Variants in DNA2 observed in about 807,000 individuals in gnomAD.
DNA2 encodes DNA replication helicase/nuclease 2.
DNA2 carries 101 observed loss-of-function variants against 119.1 expected under a neutral mutation model. The ratio of observed to expected loss-of-function variants is 0.85; its 90% CI spans 0.72 to 1.00. The LOEUF is 1.00. Among genes scored for constraint, DNA2 ranks in the 50% least tolerant of loss-of-function variants. The probability of loss-of-function intolerance (pLI) is 0.00; values close to 1 mark genes in which losing one functional copy is unlikely to be tolerated. For missense variants in DNA2, 1,121 were observed against 1,255.5 expected (o/e 0.89, Z 1.62); for synonymous variants, 366 against 424.4 (o/e 0.86, Z 1.69).
chr10:68,430,561 C>T lies in DNA2; in HGVS notation c.2083G>A (p.Gly695Arg). The change falls in exon 14 of 21, where the codon GGA (glycine) becomes AGA (arginine). Residue 695 changes from glycine to arginine, a missense_variant. Transcript: ENST00000358410. ...ILLKLAKFKI[G>R]FLRLGQIQKV... ...TGAATCTGACCCAAACGCAAAAATCCTATTTTAAACTTGGCTAACTTCAAA... is the reference window on the plus strand; with the variant it reads ...TGAATCTGACCCAAACGCAAAAATCTTATTTTAAACTTGGCTAACTTCAAA... 1 of 1,609,148 alleles carries T rather than the reference C, an allele frequency of 6.2e-7. No individual in the cohort carries two copies. Among genetic ancestry groups the T allele is most frequent in the South Asian group, 1.1e-5 (1 of 89,974 alleles).
chr10:68,420,088 G>A (rs1333857495), intron 17 of DNA2, among the ~76,000 whole-genome samples, 196 bp from the exon 18 acceptor site: 1 of 152,194 alleles, frequency 6.6e-6, no homozygotes, highest in East Asian at 1.9e-4. Flanking sequence ...CCACCTATCT[G>A]AAACATGCTA....
intron 3 of DNA2, 35 bp from the exon 4 acceptor site, chr10:68,465,847 A>T: frequency 6.9e-7 from 1 of 1,445,674 alleles, no homozygotes; most frequent in Non-Finnish European, 9.2e-7. Context: ...ATTTCACAAC[A>T]TATTAACAGA....
chr10:68,471,001 T>C (rs1397730441), intron 1 of DNA2, among the ~76,000 whole-genome samples: 3 of 152,204 alleles, frequency 2.0e-5, no homozygotes, highest in Admixed American at 6.5e-5. Flanking sequence ...CGGTCCAAGC[T>C]GTCTAAAATT....
chr10:68,421,255 A>G (rs2051661702), intron 17 of DNA2, among the ~76,000 whole-genome samples: 1 of 152,066 alleles, frequency 6.6e-6, no homozygotes, highest in Non-Finnish European at 1.5e-5. Context: ...GTTTTTTAAA[A>G]AGTCTTTAAA....
intron 17 of DNA2, among the ~76,000 whole-genome samples, chr10:68,420,600 C>CT (rs971010371): frequency 5.3e-5 from 8 of 152,060 alleles, no homozygotes; most frequent in Admixed American, 6.6e-5. Context: ...TTCTTGTCCC[C>CT]TTTTATACAA....
chr10:68,455,238 G>C lies in DNA2; in HGVS notation c.719+3866C>G, dbSNP rs372400967. Reference sequence around the variant, plus strand: ...CAGGCATTAGCCATCACGCCAGGCCGATAAAATTAACTTTCTTAGTGTTAC... The same window carrying C: ...CAGGCATTAGCCATCACGCCAGGCCCATAAAATTAACTTTCTTAGTGTTAC... On this transcript the variant is annotated intron_variant, in intron 5 of 20. Coordinates refer to ENST00000358410, the MANE Select transcript of DNA2 (RefSeq NM_001080449.3). 3.9e-5 allele frequency among the ~76,000 whole-genome samples: 6 copies of C among 152,044 alleles called. No individual in the cohort carries two copies. In the South Asian group the frequency reaches 1.2e-3, roughly 32 times the overall value.
chr10:68,431,811 G>A lies in DNA2; in HGVS notation c.1983+51C>T, dbSNP rs1354286472. On this transcript the variant is annotated intron_variant, in intron 13 of 20. Coordinates refer to ENST00000358410, the MANE Select transcript of DNA2 (RefSeq NM_001080449.3). ...TCAATATTACATCCTCTGAACTGAG[G>A]AGAAGCTGATACAAATATTTTGTCT... The A allele has an allele frequency of 3.2e-6, 4 of 1,241,340 alleles. No homozygotes were observed. In the South Asian group the frequency reaches 3.8e-5, roughly 12 times the overall value. 76.9% of individuals were successfully genotyped at this position (1,241,340 alleles called of 1,614,324 possible). A position where few individuals can be genotyped will look rare whatever the true frequency, so the allele number is the denominator to read the frequency against.
At chr10:68,454,746 T>C (rs977443447) in intron 5 of DNA2, among the ~76,000 whole-genome samples, 3 of 151,408 alleles carry the variant, frequency 2.0e-5, no homozygotes, top group Admixed American at 6.6e-5. Context: ...GCGGAGGTTG[T>C]AGTGAGCCGA....
intron 6 of DNA2, among the ~76,000 whole-genome samples, chr10:68,448,877 G>C (rs2052075409): frequency 6.6e-6 from 1 of 152,024 alleles, no homozygotes; most frequent in Non-Finnish European, 1.5e-5. Context: ...TCCCTGGTTT[G>C]AGCAATTCTC....
intron 7 of DNA2, among the ~76,000 whole-genome samples, chr10:68,446,001 G>A (rs531547766): frequency 4.1e-4 from 63 of 152,124 alleles, no homozygotes; most frequent in African/African-American, 1.5e-3. Context: ...GCACATGCCT[G>A]TAATCCTAGC....
rs2052036672 is a variant in DNA2, at chr10:68,446,166, A to C, written c.1057+130T>G. ...ACACACACATAAAAAACAACAACAAAAAAAACCCACAGCTACAAATTATAA... is the reference window on the plus strand; with the variant it reads ...ACACACACATAAAAAACAACAACAACAAAAACCCACAGCTACAAATTATAA... On this transcript the variant is annotated intron_variant, in intron 7 of 20. Transcript: ENST00000358410. 2.2e-5 allele frequency: 13 copies of C among 594,876 alleles called. No homozygotes were observed. In the East Asian group the frequency reaches 3.4e-4, roughly 16 times the overall value. 36.8% of individuals were successfully genotyped at this position (594,876 alleles called of 1,614,324 possible).
At position 68,457,057 on chromosome 10, in the gene DNA2, C is replaced by A. The variant is rs575330425; in HGVS notation, c.719+2047G>T. On this transcript the variant is annotated intron_variant, in intron 5 of 20. Coordinates refer to ENST00000358410, the MANE Select transcript of DNA2 (RefSeq NM_001080449.3). ...GCTGAGGCAGGAGAATGGCGTGAAC[C>A]CGGGAGGCGGAGGTTGCAGTGAGCC... Among the ~76,000 whole-genome samples the A allele has an allele frequency of 2.3e-3, 346 of 151,750 alleles. 3 individuals carry two copies. Among genetic ancestry groups the A allele is most frequent in the African/African-American group, 8.2e-3 (341 of 41,376 alleles).
At position 68,437,128 on chromosome 10, in the gene DNA2, G is replaced by A. The variant is rs771978276; in HGVS notation, c.1529C>T (p.Thr510Ile). The A allele has an allele frequency of 6.2e-7, 1 of 1,613,808 alleles. No individual in the cohort carries two copies. The highest frequency in any genetic ancestry group is 8.5e-7 in the Non-Finnish European group (1 of 1,179,862). ...AACTCTGTCACCTGCCATTAGATTTGTGACAGGTATGGCACCATGTTTACA... is the reference window on the plus strand; with the variant it reads ...AACTCTGTCACCTGCCATTAGATTTATGACAGGTATGGCACCATGTTTACA... ...FQCKHGAIPVTNLMAGDRVIV... is the reference protein window; with the variant it reads ...FQCKHGAIPVINLMAGDRVIV... The change falls in exon 10 of 21, where the codon ACA becomes ATA. Residue 510 changes from threonine (T) to isoleucine (I), a missense_variant. Thr to Ile is a moderately conservative substitution (Grantham distance 89). Coordinates refer to ENST00000358410, the MANE Select transcript of DNA2 (RefSeq NM_001080449.3).
intron 7 of DNA2, among the ~76,000 whole-genome samples, chr10:68,445,653 A>G (rs1460720232): frequency 2.6e-5 from 4 of 152,064 alleles, no homozygotes; most frequent in Admixed American, 6.6e-5. Flanking sequence ...TTTAAACTAT[A>G]TATTTCGTAA....
chr10:68,422,670 A>G, intron 15 of DNA2, 27 bp downstream of exon 15: 1 of 1,613,702 alleles, frequency 6.2e-7, no homozygotes, highest in South Asian at 1.1e-5. Flanking sequence ...AATCTAGTTT[A>G]AAATTAACAC....
chr10:68,453,783 G>T (rs2052149797), intron 5 of DNA2, among the ~76,000 whole-genome samples: 1 of 152,194 alleles, frequency 6.6e-6, no homozygotes, highest in South Asian at 2.1e-4. Flanking sequence ...TAGGTGTGTA[G>T]TAGGCGCTCT....
intron 5 of DNA2, among the ~76,000 whole-genome samples, chr10:68,454,467 G>A (rs2052158664): frequency 6.6e-6 from 1 of 151,648 alleles, no homozygotes; most frequent in Non-Finnish European, 1.5e-5. Context: ...TAAAAGAAAA[G>A]CTTATGTCCA....
chr10:68,461,931 C>A (rs1405420963), intron 4 of DNA2, among the ~76,000 whole-genome samples: 4 of 150,104 alleles, frequency 2.7e-5, no homozygotes, highest in Non-Finnish European at 5.9e-5. Flanking sequence ...CAGAGAGACA[C>A]CTTACCTCAA....
chr10:68,437,988 A>G (rs2051914749), intron 9 of DNA2, among the ~76,000 whole-genome samples: 1 of 152,148 alleles, frequency 6.6e-6, no homozygotes, highest in South Asian at 2.1e-4. Flanking sequence ...CTGGGATTAC[A>G]GGCCTGAGGC....
Sources: allele counts gnomAD v4.1 joint callset (sites outside exome capture counted in the v4.1 genomes callset), GRCh38; gene constraint gnomAD v4.1.1; transcripts MANE v1.5; gene names NCBI Gene and HGNC (gene_info 2026-07-23, HGNC 2026-07-21).